ADCY5: variants seen among roughly 807,000 people sequenced by gnomAD.
The protein encoded by ADCY5 is adenylate cyclase type 5.
ADCY5 carries 30 observed loss-of-function variants against 119.7 expected under a neutral mutation model. The observed-to-expected ratio is 0.25, with a 90% CI of 0.19 to 0.34. ADCY5 has a LOEUF of 0.34. Ranked by LOEUF, ADCY5 falls within the 10% of genes least tolerant of loss-of-function variation. The pLI is 1.00. For synonymous variants in ADCY5, 753 were observed against 762.2 expected (o/e 0.99, Z 0.20); for missense variants, 1,324 against 1,775.2 (o/e 0.75, Z 4.57).
At chr3:123,403,351 A>C (rs1452165641) in intron 1 of ADCY5, among the ~76,000 whole-genome samples, 1 of 148,990 alleles carries the variant, frequency 6.7e-6, no homozygotes, top group Non-Finnish European at 1.5e-5. Flanking sequence ...ACTACATGCC[A>C]GCCTAGGCAA....
At chr3:123,351,777 G>T (rs1942846428) in intron 2 of ADCY5, among the ~76,000 whole-genome samples, 1 of 152,200 alleles carries the variant, frequency 6.6e-6, no homozygotes, top group South Asian at 2.1e-4. Context: ...CCCCTGATGT[G>T]GCCCTCAGCC....
chr3:123,336,605 A>G (rs994229453), intron 3 of ADCY5, among the ~76,000 whole-genome samples: 5 of 152,180 alleles, frequency 3.3e-5, no homozygotes, highest in Non-Finnish European at 7.3e-5. Flanking sequence ...CAGCACCAGG[A>G]AGAGCAGAGG....
At chr3:123,375,312 C>T (rs1045166878) in intron 1 of ADCY5, among the ~76,000 whole-genome samples, 4 of 152,260 alleles carry the variant, frequency 2.6e-5, no homozygotes, top group African/African-American at 7.2e-5. Flanking sequence ...AGCATACTCT[C>T]ATTTTTCCTC....
chr3:123,316,797 T>A (rs767185976), intron 11 of ADCY5, among the ~76,000 whole-genome samples: 7 of 152,180 alleles, frequency 4.6e-5, no homozygotes, highest in Non-Finnish European at 8.8e-5. Context: ...ATATAAAGTA[T>A]TGGGGTTAAG....
At chr3:123,431,462 G>A (rs541780124) in intron 1 of ADCY5, among the ~76,000 whole-genome samples, 4 of 151,786 alleles carry the variant, frequency 2.6e-5, no homozygotes, top group African/African-American at 9.7e-5. Flanking sequence ...AAAAAAATGA[G>A]AGAGAGGAGG....
intron 3 of ADCY5, among the ~76,000 whole-genome samples, chr3:123,337,797 T>C (rs893086917): frequency 6.6e-6 from 1 of 152,236 alleles, no homozygotes; most frequent in African/African-American, 2.4e-5. Context: ...TATCTTCTTT[T>C]AGGGGGATAA....
At chr3:123,298,390 G>A (rs1047462341) in intron 15 of ADCY5, among the ~76,000 whole-genome samples, 2 of 152,134 alleles carry the variant, frequency 1.3e-5, no homozygotes, top group Non-Finnish European at 2.9e-5. Flanking sequence ...AGGAGATGCT[G>A]AGGATGGGAA....
chr3:123,447,665 T>A lies in ADCY5; in HGVS notation c.881A>T (p.His294Leu). The A allele has an allele frequency of 6.2e-7, 1 of 1,606,584 alleles. No homozygotes were observed. Among genetic ancestry groups the A allele is most frequent in the Non-Finnish European group, 8.5e-7 (1 of 1,176,282 alleles). Residue 294 changes from histidine to leucine, a missense_variant, in exon 1 of 21, where the codon CAC becomes CTC. Transcript: ENST00000462833. ...MAVLCNRAAF[H>L]QDHMGLACYA... ...GCAGGCCAGGCCCATGTGGTCCTGG[T>A]GGAAGGCGGCGCGGTTGCAAAGCAC...
chr3:123,393,618 G>A (rs1399356461), intron 1 of ADCY5, among the ~76,000 whole-genome samples: 1 of 138,900 alleles, frequency 7.2e-6, no homozygotes, highest in African/African-American at 2.9e-5. Context: ...GGGTGTGAGG[G>A]ACAGCGTCAC....
intron 3 of ADCY5, among the ~76,000 whole-genome samples, chr3:123,336,559 A>C (rs1174424881): frequency 2.0e-5 from 3 of 152,120 alleles, no homozygotes; most frequent in African/African-American, 7.2e-5. Context: ...CCCCTAATCT[A>C]GCAGAGGTAG....
intron 1 of ADCY5, among the ~76,000 whole-genome samples, chr3:123,419,731 G>A (rs1945261974): frequency 1.3e-5 from 2 of 151,958 alleles, no homozygotes; most frequent in African/African-American, 4.8e-5. Context: ...TGCCAGCGAG[G>A]CTCTTGCTGC....
intron 1 of ADCY5, among the ~76,000 whole-genome samples, chr3:123,391,826 G>C (rs1944408594): frequency 6.6e-6 from 1 of 152,200 alleles, no homozygotes; most frequent in Non-Finnish European, 1.5e-5. Flanking sequence ...AGGACCTTAT[G>C]CTATAGTCCC....
At chr3:123,341,007 C>G (rs9858150) in intron 3 of ADCY5, among the ~76,000 whole-genome samples, 68,433 of 151,728 alleles carry the variant, frequency 0.45, 16,843 homozygotes, top group East Asian at 0.7. Context: ...CACCTGTAAT[C>G]CCAGCTACTA....
At chr3:123,420,117 G>A (rs1945272654) in intron 1 of ADCY5, 1 of 152,206 alleles carries the variant, frequency 6.6e-6, no homozygotes, top group Non-Finnish European at 1.5e-5. Flanking sequence ...GCTGCGGAGG[G>A]CCTTGGCACT....
At chr3:123,342,888 C>T (rs181395940) in intron 3 of ADCY5, among the ~76,000 whole-genome samples, 8 of 152,302 alleles carry the variant, frequency 5.3e-5, no homozygotes, top group Admixed American at 4.6e-4. Flanking sequence ...ACTCTCTGGT[C>T]GTCCACCCTG....
chr3:123,340,583 C>G (rs561622206), intron 3 of ADCY5, among the ~76,000 whole-genome samples: 1 of 152,194 alleles, frequency 6.6e-6, no homozygotes, highest in South Asian at 2.1e-4. Context: ...ATTTTGAGTC[C>G]AGAGAGCTAA....
At chr3:123,343,978 C>T (rs1039212008) in intron 3 of ADCY5, among the ~76,000 whole-genome samples, 3 of 152,258 alleles carry the variant, frequency 2.0e-5, no homozygotes, top group Non-Finnish European at 4.4e-5. Context: ...CCAGTGGTGG[C>T]TCAGCATCAA....
At chr3:123,312,910 G>GT (rs1320788514) in intron 12 of ADCY5, among the ~76,000 whole-genome samples, 1 of 144,746 alleles carries the variant, frequency 6.9e-6, no homozygotes, top group African/African-American at 2.9e-5. Flanking sequence ...AAGCAGGCTG[G>GT]GGGGGGCCTT....
chr3:123,446,616 A>C (rs1945819825), intron 1 of ADCY5, among the ~76,000 whole-genome samples: 1 of 152,224 alleles, frequency 6.6e-6, no homozygotes. Flanking sequence ...CTAACCAGGC[A>C]AAAGTTGTAT....
Sources: allele counts gnomAD v4.1 joint callset (sites outside exome capture counted in the v4.1 genomes callset), GRCh38; gene constraint gnomAD v4.1.1; transcripts MANE v1.5; gene names NCBI Gene and HGNC (gene_info 2026-07-23, HGNC 2026-07-21).